Variants in UQCC1 observed in about 807,000 individuals in gnomAD.
UQCC1 encodes bFGF-repressed Zic-binding protein.
Under a neutral mutation model 48.0 loss-of-function variants are expected in UQCC1, and 38 were observed. The observed-to-expected ratio is 0.79, with a 90% CI of 0.61 to 1.04. The LOEUF (loss-of-function observed/expected upper bound fraction) is 1.04. Among genes scored for constraint, UQCC1 ranks in the 50% least tolerant of loss-of-function variants. The pLI is 0.00. For synonymous variants in UQCC1, 111 were observed against 129.2 expected, an observed-to-expected ratio of 0.86 and a Z score of 0.95; for missense variants, 368 against 381.8, an observed-to-expected ratio of 0.96 and a Z score of 0.30.
chr20:35,306,760 T>C lies in UQCC1; in HGVS notation c.671A>G (p.His224Arg). 1.9e-6 allele frequency: 3 copies of C among 1,614,032 alleles called. No homozygotes were observed. Among genetic ancestry groups the C allele is most frequent in the East Asian group, 2.2e-5 (1 of 44,870 alleles). Residue 224 changes from histidine (H) to arginine (R), a missense_variant, in exon 9 of 10, where the codon CAT (histidine) becomes CGT (arginine). Coordinates refer to ENST00000374385, the MANE Select transcript of UQCC1 (RefSeq NM_018244.5). Reference sequence around the variant, plus strand: ...TCTCCAGAGGGCAGCGGCCAGCCCATGATCATCTGAAAGGATCCCCTGGAA... The same window carrying C: ...TCTCCAGAGGGCAGCGGCCAGCCCACGATCATCTGAAAGGATCCCCTGGAA... ...GYDEGILSDD[H>R]GLAAALWRTF...
At chr20:35,309,319 C>T (rs2060964241) in intron 8 of UQCC1, 1 of 388,432 alleles carries the variant, frequency 2.6e-6, no homozygotes, top group South Asian at 1.9e-5. Flanking sequence ...GTAGTCCCAG[C>T]TACTCGGGAG....
chr20:35,408,184 T>C (rs1260115130), intron 1 of UQCC1, among the ~76,000 whole-genome samples: 2 of 151,842 alleles, frequency 1.3e-5, no homozygotes, highest in Non-Finnish European at 2.9e-5. Flanking sequence ...ATCCTAACAC[T>C]TCGAGAGGCT....
intron 1 of UQCC1, among the ~76,000 whole-genome samples, chr20:35,406,171 G>C (rs1009354075): frequency 2.0e-5 from 3 of 152,178 alleles, no homozygotes; most frequent in African/African-American, 7.2e-5. Flanking sequence ...TAGAGTCTCA[G>C]AAGGAAAGAA....
At chr20:35,353,231 T>C (rs888038948) in intron 6 of UQCC1, among the ~76,000 whole-genome samples, 1 of 150,794 alleles carries the variant, frequency 6.6e-6, no homozygotes, top group Non-Finnish European at 1.5e-5. Context: ...ACCCTATCTC[T>C]ACTAAAAATA....
At chr20:35,321,164 T>A (rs866557171) in intron 7 of UQCC1, among the ~76,000 whole-genome samples, 1 of 151,782 alleles carries the variant, frequency 6.6e-6, no homozygotes, top group Non-Finnish European at 1.5e-5. Context: ...AGAGACCAAA[T>A]AAAAAAGTCT....
intron 6 of UQCC1, among the ~76,000 whole-genome samples, chr20:35,359,723 G>A (rs969182204): frequency 5.3e-5 from 8 of 152,192 alleles, no homozygotes; most frequent in African/African-American, 1.9e-4. Context: ...TCCCAAAGGG[G>A]ACTTTCACAC....
At chr20:35,314,599 G>A in intron 8 of UQCC1, 89 bp downstream of exon 8, 1 of 1,050,194 alleles carries the variant, frequency 9.5e-7, no homozygotes, top group East Asian at 2.4e-5. Flanking sequence ...CAGTAACAAT[G>A]GTCCCTGTGG....
At chr20:35,397,376 C>A (rs1396307448) in intron 1 of UQCC1, among the ~76,000 whole-genome samples, 2 of 151,132 alleles carry the variant, frequency 1.3e-5, no homozygotes, top group East Asian at 3.9e-4. Flanking sequence ...ATTAGCCAGG[C>A]GTGGTGGTGG....
At chr20:35,399,478 C>G (rs1391281247) in intron 1 of UQCC1, among the ~76,000 whole-genome samples, 2 of 152,170 alleles carry the variant, frequency 1.3e-5, no homozygotes, top group African/African-American at 4.8e-5. Flanking sequence ...CACTGCTTCA[C>G]TCCACACATG....
At chr20:35,366,423 A>G in intron 6 of UQCC1, 134 bp downstream of exon 6, 2 of 710,116 alleles carry the variant, frequency 2.8e-6, no homozygotes, top group Non-Finnish European at 2.4e-6. Context: ...ACCAGTTATT[A>G]AAATGAAAGG....
intron 7 of UQCC1, among the ~76,000 whole-genome samples, chr20:35,324,219 A>G (rs2061163550): frequency 6.6e-6 from 1 of 152,218 alleles, no homozygotes; most frequent in Non-Finnish European, 1.5e-5. Flanking sequence ...TCTCCATTCC[A>G]TGAGCCTTAG....
At chr20:35,321,970 T>C (rs2061136070) in intron 7 of UQCC1, among the ~76,000 whole-genome samples, 1 of 152,150 alleles carries the variant, frequency 6.6e-6, no homozygotes, top group African/African-American at 2.4e-5. Context: ...TGAGAACACA[T>C]AATATTAAGT....
chr20:35,307,050 G>A, intron 8 of UQCC1: 1 of 495,058 alleles, frequency 2.0e-6, no homozygotes, highest in Non-Finnish European at 3.7e-6. Context: ...TGGGACTCAG[G>A]CAGTACTCCG....
intron 7 of UQCC1, among the ~76,000 whole-genome samples, chr20:35,328,023 A>G (rs536900678): frequency 6.6e-6 from 1 of 151,934 alleles, no homozygotes; most frequent in African/African-American, 2.4e-5. Context: ...AAAAAAAAAA[A>G]AAAAGCATGG....
At chr20:35,323,876 A>T (rs2061160394) in intron 7 of UQCC1, among the ~76,000 whole-genome samples, 1 of 152,238 alleles carries the variant, frequency 6.6e-6, no homozygotes, top group African/African-American at 2.4e-5. Flanking sequence ...CTCTCATCAC[A>T]GAGATGGGCA....
chr20:35,377,517 A>AT (rs1483750017), intron 4 of UQCC1, among the ~76,000 whole-genome samples: 2 of 152,208 alleles, frequency 1.3e-5, no homozygotes, highest in East Asian at 3.8e-4. Flanking sequence ...TCATCCAATA[A>AT]TTCACTGAGT....
intron 6 of UQCC1, among the ~76,000 whole-genome samples, chr20:35,353,705 T>C (rs919222518): frequency 6.6e-6 from 1 of 152,038 alleles, no homozygotes; most frequent in Non-Finnish European, 1.5e-5. Flanking sequence ...TATGGGAGGA[T>C]TGCTTCAGCC....
At chr20:35,390,950 C>CT (rs2062006785) in intron 2 of UQCC1, among the ~76,000 whole-genome samples, 2 of 152,122 alleles carry the variant, frequency 1.3e-5, no homozygotes, top group African/African-American at 4.8e-5. Flanking sequence ...AATCCCAGCA[C>CT]TTTGAGAGGT....
chr20:35,349,660 GA>G (rs527310083), intron 6 of UQCC1, among the ~76,000 whole-genome samples: 37 of 152,294 alleles, frequency 2.4e-4, no homozygotes, highest in Admixed American at 9.8e-4. Context: ...AGAAAAACAG[GA>G]AAGTTGACTT....
Sources: gnomAD v4.1 joint callset for allele counts (sites outside exome capture counted in the v4.1 genomes callset) on GRCh38, gnomAD v4.1.1 for gene constraint, MANE v1.5 for transcripts, NCBI Gene and HGNC (gene_info 2026-07-23, HGNC 2026-07-21) for gene names.